Variants in EGLN1 observed in about 807,000 individuals in gnomAD.
The protein encoded by EGLN1 is egl-9 family hypoxia inducible factor 1.
EGLN1 carries 17 observed loss-of-function variants against 38.3 expected under a neutral mutation model. That is an observed-to-expected ratio of 0.44 (90% CI 0.30 to 0.67). The LOEUF (loss-of-function observed/expected upper bound fraction) is 0.67. EGLN1 is among the 30% of genes least tolerant of loss of function. The probability of loss-of-function intolerance (pLI) is 0.08; values close to 1 mark genes in which losing one functional copy is unlikely to be tolerated. For missense variants in EGLN1, 477 were observed against 603.3 expected (o/e 0.79, Z 2.19); for synonymous variants, 283 against 257.5 (o/e 1.10, Z -0.95).
rs1169347204 is a variant in EGLN1 at position 231,421,469 on chromosome 1, G to C, written c.420C>G (p.Ala140=). 5 of 1,456,312 alleles carry C rather than the reference G, an allele frequency of 3.4e-6. No individual in the cohort carries two copies. Among genetic ancestry groups the C allele is most frequent in the South Asian group, 1.5e-5 (1 of 68,318 alleles). 90.2% of individuals were successfully genotyped at this position (1,456,312 alleles called of 1,614,324 possible). The part of the protein sequence containing the change: ...AAGGQGSAVA[A]EAEPGKEEPP... Reference sequence around the variant, plus strand: ...GCTCCTCCTTGCCGGGCTCGGCTTCGGCAGCCACCGCCGAGCCCTGGCCGC... The same window carrying C: ...GCTCCTCCTTGCCGGGCTCGGCTTCCGCAGCCACCGCCGAGCCCTGGCCGC... Residue 140 remains alanine (A), a synonymous_variant, in exon 1 of 5, where the codon GCC becomes GCG. Transcript: ENST00000366641. The surrounding 1 kb of genome is among the most constrained non-coding windows in gnomAD (Gnocchi z 5.5).
Position 231,421,336 on chromosome 1 carries a change from T to C in EGLN1, c.553A>G (p.Thr185Ala). ...PGGGLRPNGQ[T>A]KPLPALKLAL... ...AGCTTCAGCGCCGGCAGGGGCTTCG[T>C]CTGCCCGTTGGGCCGCAGGCCGCCG... Residue 185 changes from threonine to alanine, a missense_variant, in exon 1 of 5, where the codon ACG (threonine) becomes GCG (alanine). Thr to Ala is a moderately conservative substitution (Grantham distance 58, BLOSUM62 0). This residue lies in a region of EGLN1 where 298 missense variants were observed against 288.9 expected (regional missense o/e 1.03). Transcript: ENST00000366641. This position sits in a 1 kb window ranked among gnomAD's most constrained non-coding sequence, Gnocchi z 5.5. 1 of 1,611,516 alleles carries C rather than the reference T, an allele frequency of 6.2e-7. No homozygotes were observed. The highest frequency in any genetic ancestry group is 8.5e-7 in the Non-Finnish European group (1 of 1,179,142).
At chr1:231,384,993 A>AG (rs1688164631) in intron 1 of EGLN1, among the ~76,000 whole-genome samples, 1 of 152,200 alleles carries the variant, frequency 6.6e-6, no homozygotes, top group African/African-American at 2.4e-5. Context: ...GCAGAAGAGT[A>AG]GTTAGAAGGC....
chr1:231,371,476 CATCATTT>C (rs1687820309), intron 2 of EGLN1, among the ~76,000 whole-genome samples: 1 of 152,122 alleles, frequency 6.6e-6, no homozygotes, highest in African/African-American at 2.4e-5. Context: ...TAGAAAGTGT[CATCATTT>C]ATTATGACCA....
chr1:231,392,660 G>A (rs181796649), intron 1 of EGLN1, among the ~76,000 whole-genome samples: 1 of 152,176 alleles, frequency 6.6e-6, no homozygotes, highest in Non-Finnish European at 1.5e-5. Flanking sequence ...AACCTATGGT[G>A]AGGATAAACA....
chr1:231,388,113 G>C (rs1688268070), intron 1 of EGLN1, among the ~76,000 whole-genome samples: 1 of 152,172 alleles, frequency 6.6e-6, no homozygotes, highest in Admixed American at 6.5e-5. Flanking sequence ...TGTAGAGGGT[G>C]TTAGAACCCA....
intron 1 of EGLN1, among the ~76,000 whole-genome samples, chr1:231,403,114 T>C (rs1291286413): frequency 6.6e-6 from 1 of 152,228 alleles, no homozygotes; most frequent in Non-Finnish European, 1.5e-5. Flanking sequence ...ATACTCTGTA[T>C]GATTTCAATC....
chr1:231,368,560 T>C (rs1687723476), intron 3 of EGLN1, among the ~76,000 whole-genome samples: 1 of 152,324 alleles, frequency 6.6e-6, no homozygotes, highest in Non-Finnish European at 1.5e-5. Context: ...AAAGACATAC[T>C]TTCTGATACA....
intron 1 of EGLN1, among the ~76,000 whole-genome samples, chr1:231,380,341 A>C (rs1688053917): frequency 6.6e-6 from 1 of 151,488 alleles, no homozygotes; most frequent in East Asian, 1.9e-4. Flanking sequence ...AAAAAGAATA[A>C]GAACTCCTTA....
chr1:231,408,334 G>T (rs1688845918), intron 1 of EGLN1, among the ~76,000 whole-genome samples: 1 of 152,134 alleles, frequency 6.6e-6, no homozygotes, highest in South Asian at 2.1e-4. Flanking sequence ...CAGGAAAACA[G>T]TCTGGCTGAA....
At chr1:231,399,548 T>C (rs756944303) in intron 1 of EGLN1, among the ~76,000 whole-genome samples, 3 of 152,176 alleles carry the variant, frequency 2.0e-5, no homozygotes, top group African/African-American at 7.2e-5. Flanking sequence ...TACAGTATCA[T>C]GTAAGCCAAC....
chr1:231,393,194 T>A (rs1458178774), intron 1 of EGLN1, among the ~76,000 whole-genome samples: 2 of 152,264 alleles, frequency 1.3e-5, no homozygotes, highest in Non-Finnish European at 2.9e-5. Context: ...TTGATAATAT[T>A]GTTTGAGCCC....
intron 1 of EGLN1, among the ~76,000 whole-genome samples, chr1:231,405,227 C>T (rs1443310145): frequency 2.0e-5 from 3 of 152,080 alleles, no homozygotes; most frequent in Non-Finnish European, 4.4e-5. Flanking sequence ...GGCTGGAGTG[C>T]GGTGGCGCTA....
rs1177771956 is a variant in EGLN1, at chr1:231,367,456, CA to C, written c.1216+112del. ...GGCAAATAAGAAATCTGATAAAAAA[CA>C]AAAAGTAAGTATTCATGGTGTTAAC... On this transcript the variant is annotated intron_variant, in intron 4 of 4. Transcript: ENST00000366641. 7.2e-6 allele frequency: 8 copies of C among 1,104,022 alleles called. No homozygotes were observed. In the East Asian group the frequency reaches 9.5e-5, roughly 13 times the overall value. The allele number at this position is 1,104,022 out of a possible 1,614,324, so 68.4% of individuals were successfully genotyped here.
intron 2 of EGLN1, among the ~76,000 whole-genome samples, chr1:231,371,788 T>C (rs1353315314): frequency 6.6e-6 from 1 of 152,144 alleles, no homozygotes; most frequent in East Asian, 1.9e-4. Flanking sequence ...CTTGAATAAC[T>C]ACACTCCTAA....
At chr1:231,403,004 T>C (rs1448724048) in intron 1 of EGLN1, among the ~76,000 whole-genome samples, 1 of 152,146 alleles carries the variant, frequency 6.6e-6, no homozygotes, top group Non-Finnish European at 1.5e-5. Flanking sequence ...CTTTGACCCA[T>C]AGGTTATTTA....
intron 1 of EGLN1, among the ~76,000 whole-genome samples, chr1:231,387,256 C>CACACA (rs541391196): frequency 1.3e-5 from 2 of 149,324 alleles, no homozygotes; most frequent in Non-Finnish European, 3.0e-5. Context: ...CACACACACA[C>CACACA]CCCCCTAATT....
chr1:231,409,345 T>C (rs1287389098), intron 1 of EGLN1, among the ~76,000 whole-genome samples: 1 of 151,288 alleles, frequency 6.6e-6, no homozygotes. Flanking sequence ...CTCATAAACA[T>C]AGCACTGGGA....
rs551850656 is a variant in EGLN1 at position 231,406,532 on chromosome 1, G to A, written c.891+14466C>T. 2.6e-5 allele frequency among the ~76,000 whole-genome samples: 4 copies of A among 152,138 alleles called. No individual in the cohort carries two copies. In the East Asian group the frequency reaches 7.8e-4, roughly 30 times the overall value. The stretch of plus-strand genomic sequence containing the variant: ...GCATATATCTTCCAGAAGTCCATAG[G>A]ATATACATACCATTATTTATGGGGG... On this transcript the variant is annotated intron_variant, in intron 1 of 4. Coordinates refer to ENST00000366641, the MANE Select transcript of EGLN1 (RefSeq NM_022051.3).
intron 1 of EGLN1, among the ~76,000 whole-genome samples, chr1:231,388,490 T>C (rs1688279567): frequency 6.6e-6 from 1 of 152,144 alleles, no homozygotes; most frequent in African/African-American, 2.4e-5. Flanking sequence ...TCGCTCTCTG[T>C]CTGTCTCAGT....
Sources: allele counts gnomAD v4.1 joint callset (sites outside exome capture counted in the v4.1 genomes callset), GRCh38; gene constraint gnomAD v4.1.1; regional missense constraint gnomAD v4.1.1; non-coding constraint Gnocchi (gnomAD v3.1); transcripts MANE v1.5; gene names NCBI Gene and HGNC (gene_info 2026-07-23, HGNC 2026-07-21).